SUGP2: variants seen among roughly 807,000 people sequenced by gnomAD.
SUGP2 encodes the protein SURP and G-patch domain-containing protein 2.
Under a neutral mutation model 90.5 loss-of-function variants are expected in SUGP2, and 24 were observed. The ratio of observed to expected loss-of-function variants is 0.27; its 90% confidence interval spans 0.19 to 0.37. SUGP2 has a LOEUF of 0.37. Among genes scored for constraint, SUGP2 ranks in the 10% least tolerant of loss-of-function variants. The pLI is 1.00. For synonymous variants in SUGP2, 473 were observed against 513.4 expected (o/e 0.92, Z 1.06); for missense variants, 1,233 against 1,363.3 (o/e 0.90, Z 1.51).
upstream of SUGP2, chr19:19,033,636 G>A (rs903794575): frequency 6.9e-5 from 76 of 1,109,068 alleles, no homozygotes; most frequent in African/African-American, 1.1e-3. Flanking sequence ...CGCGCTGTCC[G>A]CTTCTTCTGG....
intron 10 of SUGP2, chr19:18,994,082 G>T (rs980315723): frequency 1.0e-5 from 3 of 299,060 alleles, no homozygotes; most frequent in Non-Finnish European, 1.9e-5. Context: ...ATCCACGGAG[G>T]CTGGCCTGGA....
intron 2 of SUGP2, 87 bp downstream of exon 2, chr19:19,030,862 ATT>A: frequency 7.1e-7 from 1 of 1,402,314 alleles, no homozygotes; most frequent in Non-Finnish European, 9.7e-7. Context: ...GACTGGTATT[ATT>A]TGCCCAAGGT....
Position 19,019,713 on chromosome 19 carries a change from A to C in SUGP2, c.1730-484T>G, listed in dbSNP as rs1346113255. 2.6e-5 allele frequency among the ~76,000 whole-genome samples: 4 copies of C among 151,576 alleles called. No individual in the cohort carries two copies. The East Asian group carries it at 7.7e-4, about 29-fold the overall frequency. On this transcript the variant is annotated intron_variant, in intron 3 of 10. Transcript: ENST00000452918. Reference sequence around the variant, plus strand: ...AATATGTTAGGAAATATGTTAACAGAGGTTATAGGGGGTAGAATTATCAGG... The same window carrying C: ...AATATGTTAGGAAATATGTTAACAGCGGTTATAGGGGGTAGAATTATCAGG...
At chr19:19,028,030 G>A (rs1050469430) in intron 2 of SUGP2, among the ~76,000 whole-genome samples, 1 of 152,210 alleles carries the variant, frequency 6.6e-6, no homozygotes, top group Non-Finnish European at 1.5e-5. Context: ...GAGGGGGAAT[G>A]AGGACAAGAC....
At position 19,025,621 on chromosome 19, in the gene SUGP2, T is replaced by G. The variant is rs1443789903; in HGVS notation, c.727A>C (p.Lys243Gln). Residue 243 changes from lysine to glutamine, a missense_variant, in exon 3 of 11, where the codon AAA becomes CAA. By Grantham distance (53) the Lys-to-Gln change is moderately conservative. This residue lies in a region of SUGP2 where 418 missense variants were observed against 399.9 expected (regional missense o/e 1.05). Coordinates refer to ENST00000452918, the MANE Select transcript of SUGP2 (RefSeq NM_001017392.5). ...GLLTAKGGVG[K>Q]LVTLRNVSTK... ...CTCACATTTCTCAATGTGACAAGTT[T>G]CCCAACACCCCCCTTAGCTGTGAGC... 2 of 1,614,102 alleles carry G rather than the reference T, an allele frequency of 1.2e-6. No individual in the cohort carries two copies. Among genetic ancestry groups the G allele is most frequent in the South Asian group, 2.2e-5 (2 of 91,074 alleles).
At chr19:19,015,661 G>C (rs2058473189) in intron 4 of SUGP2, among the ~76,000 whole-genome samples, 1 of 152,042 alleles carries the variant, frequency 6.6e-6, no homozygotes, top group Admixed American at 6.6e-5. Flanking sequence ...CTGTCACCAT[G>C]CCCAGCTAAT....
chr19:19,013,455 CT>C (rs1378146489), intron 4 of SUGP2, among the ~76,000 whole-genome samples: 1 of 152,120 alleles, frequency 6.6e-6, no homozygotes, highest in Admixed American at 6.6e-5. Flanking sequence ...ATAGACCTCA[CT>C]TCTGTTCCTT....
Position 19,024,705 on chromosome 19 carries a change from TC to T in SUGP2, c.1642del (p.Glu548AsnfsTer11). The T allele has an allele frequency of 6.2e-7, 1 of 1,614,238 alleles. No individual in the cohort carries two copies. Among genetic ancestry groups the T allele is most frequent in the Non-Finnish European group, 8.5e-7 (1 of 1,180,044 alleles). On this transcript the variant is annotated frameshift_variant, in exon 3 of 11. Coordinates refer to ENST00000452918, the MANE Select transcript of SUGP2 (RefSeq NM_001017392.5). LOFTEE classifies it high-confidence loss of function. ...SGCPLQVKKA[E>X]PEPMREEEKM... ...CTCCTCCTCTCGCATCGGCTCTGGT[TC>T]GGCTTTCTTAACCTGGAGGGGACAT...
At chr19:19,022,104 C>A (rs2058750108) in intron 3 of SUGP2, among the ~76,000 whole-genome samples, 1 of 152,108 alleles carries the variant, frequency 6.6e-6, no homozygotes, top group African/African-American at 2.4e-5. Flanking sequence ...CCTGCCTCAG[C>A]CTTCCGAGTA....
Position 19,025,340 on chromosome 19 carries a change from T to C in SUGP2, c.1008A>G (p.Ala336=), listed in dbSNP as rs754439112. 4 of 1,614,020 alleles carry C rather than the reference T, an allele frequency of 2.5e-6. No homozygotes were observed. The highest frequency in any genetic ancestry group is 1.7e-6 in the Non-Finnish European group (2 of 1,180,032). ...TATCATCTTTTATGGTGTGGAATCC[T>C]GCCCATTTGATTATTTCTATCCCAA... ...SRFGIEIIKW[A]GFHTIKDDIK... The change falls in exon 3 of 11, where the codon GCA becomes GCG. Residue 336 remains alanine (A), a synonymous_variant. Coordinates refer to ENST00000452918, the MANE Select transcript of SUGP2 (RefSeq NM_001017392.5).
chr19:18,994,836 G>T, intron 9 of SUGP2: 1 of 541,976 alleles, frequency 1.8e-6, no homozygotes, highest in Non-Finnish European at 3.3e-6. Flanking sequence ...GGGTTCCCGG[G>T]AATGGGAAAG....
In SUGP2 at chr19:19,024,811, C is replaced by T; in HGVS notation, c.1537G>A (p.Ala513Thr). The stretch of plus-strand genomic sequence containing the variant: ...GTGGAGTCTTCGAAGTTTGGAAACG[C>T]AGCAGGTGAGGGAGCTATATCTTGC... The part of the protein sequence containing the change: ...GLQDIAPSPA[A>T]FPNFEDSTLF... The change falls in exon 3 of 11, where the codon GCG (alanine) becomes ACG (threonine). Residue 513 changes from alanine to threonine, a missense_variant. By Grantham distance (58) the Ala-to-Thr change is moderately conservative. This residue lies in a region of SUGP2 where 540 missense variants were observed against 542.6 expected (regional missense o/e 1.00). Coordinates refer to ENST00000452918, the MANE Select transcript of SUGP2 (RefSeq NM_001017392.5). 1 of 1,614,208 alleles carries T rather than the reference C, an allele frequency of 6.2e-7. No homozygotes were observed. Among genetic ancestry groups the T allele is most frequent in the South Asian group, 1.1e-5 (1 of 91,088 alleles).
At chr19:19,013,017 C>A (rs1444013545) in intron 4 of SUGP2, among the ~76,000 whole-genome samples, 1 of 152,142 alleles carries the variant, frequency 6.6e-6, no homozygotes, top group Non-Finnish European at 1.5e-5. Flanking sequence ...GCACCCGCCA[C>A]CACACCCAGC....
chr19:19,010,166 G>A lies in SUGP2; in HGVS notation c.2027C>T (p.Pro676Leu), dbSNP rs372273190. 28 of 1,613,522 alleles carry A rather than the reference G, an allele frequency of 1.7e-5. No individual in the cohort carries two copies. The highest frequency in any genetic ancestry group is 5.3e-5 in the African/African-American group (4 of 74,900). Residue 676 changes from proline to leucine, a missense_variant, in exon 5 of 11, where the codon CCG (proline) becomes CTG (leucine). Physicochemically the swap from Pro to Leu is moderately conservative, Grantham distance 98. Transcript: ENST00000452918. Reference sequence around the variant, plus strand: ...ACGGAGGAGCCCCCGCCGCTGCCACGGAAGGAGTTTCTTCTTGAGGTTGCG... The same window carrying A: ...ACGGAGGAGCCCCCGCCGCTGCCACAGAAGGAGTTTCTTCTTGAGGTTGCG... ...AVRNLKKKLLPWQRRGLLRAQ... is the reference protein window; with the variant it reads ...AVRNLKKKLLLWQRRGLLRAQ...
At chr19:19,020,754 G>C (rs2058693149) in intron 3 of SUGP2, among the ~76,000 whole-genome samples, 1 of 151,972 alleles carries the variant, frequency 6.6e-6, no homozygotes. Context: ...ATTTTTTAAA[G>C]TGTGAATGTC....
rs2145699433 is a variant in SUGP2 at position 19,025,386 on chromosome 19, T to C, written c.962A>G (p.Lys321Arg). ...RRKMSFDIID[K>R]SDVFSRFGIE... is the part of the protein sequence containing the mutation. ...CCCAAATCTTGAAAAAACATCAGAC[T>C]TATCTATGATGTCAAAGCTCATCTT... Residue 321 changes from lysine to arginine, a missense_variant, in exon 3 of 11, where the codon AAG becomes AGG. By Grantham distance (26) the Lys-to-Arg change is conservative. This residue lies in a region of SUGP2 where 418 missense variants were observed against 399.9 expected (regional missense o/e 1.05). Transcript: ENST00000452918. The C allele has an allele frequency of 6.2e-7, 1 of 1,614,114 alleles. No individual in the cohort carries two copies. The highest frequency in any genetic ancestry group is 8.5e-7 in the Non-Finnish European group (1 of 1,180,002).
intron 4 of SUGP2, among the ~76,000 whole-genome samples, chr19:19,015,081 A>G (rs1056506644): frequency 2.6e-5 from 4 of 152,040 alleles, no homozygotes; most frequent in Non-Finnish European, 4.4e-5. Context: ...AGGTGCCTGT[A>G]GTCCCAGCTA....
In SUGP2 at chr19:19,007,755, C is replaced by CTTT. The variant is rs34670209; in HGVS notation, c.2450+559_2450+561dup. ...ACAAGCATGAGCCATTGCACCTAGC[C>CTTT]TTTTTTTTTTTTTTTTTTTTTGGAG... On this transcript the variant is annotated intron_variant, in intron 6 of 10. Coordinates refer to ENST00000452918, the MANE Select transcript of SUGP2 (RefSeq NM_001017392.5). 5.3e-4 allele frequency among the ~76,000 whole-genome samples: 60 copies of CTTT among 113,398 alleles called. 20 individuals are homozygous for CTTT. Among genetic ancestry groups the CTTT allele is most frequent in the Admixed American group, 5.7e-4 (6 of 10,522 alleles). 74.4% of individuals were successfully genotyped at this position (113,398 alleles called of 152,430 possible). A position where few individuals can be genotyped will look rare whatever the true frequency, so the allele number is the denominator to read the frequency against.
At position 19,010,228 on chromosome 19, in the gene SUGP2, G is replaced by A; in HGVS notation, c.1965C>T (p.Asp655=). Residue 655 remains aspartate (D), a synonymous_variant, in exon 5 of 11, where the codon GAC becomes GAT. Coordinates refer to ENST00000452918, the MANE Select transcript of SUGP2 (RefSeq NM_001017392.5). ...AGTACAGCATGGCCCTCACTGCACA[G>A]TCTGCTGAGGTCGGCTTCTGGTCGG... ...RGADQKPTSA[D]CAVRAMLYSR... 6.2e-7 allele frequency: 1 copy of A among 1,614,138 alleles called. No homozygotes were observed. Among genetic ancestry groups the A allele is most frequent in the Non-Finnish European group, 8.5e-7 (1 of 1,180,040 alleles).
Sources: gnomAD v4.1 joint callset for allele counts (sites outside exome capture counted in the v4.1 genomes callset) on GRCh38, gnomAD v4.1.1 for gene constraint, gnomAD v4.1.1 regional missense constraint, MANE v1.5 for transcripts, NCBI Gene and HGNC (gene_info 2026-07-23, HGNC 2026-07-21) for gene names.